The following SGPP2 variants were observed in gnomAD, a reference collection of about 807,000 sequenced individuals.
SGPP2 encodes sphingosine-1-phosphate phosphatase 2.
Under a neutral mutation model 33.9 loss-of-function variants are expected in SGPP2, and 30 were observed. The observed-to-expected ratio is 0.89, with a 90% CI of 0.66 to 1.20. SGPP2 has a LOEUF of 1.20. SGPP2 is among the 50% of genes most tolerant of loss of function. The pLI, the probability that SGPP2 is intolerant of heterozygous loss-of-function variation, is 0.00. For missense variants in SGPP2, 458 were observed against 532.1 expected, an observed-to-expected ratio of 0.86 and a Z score of 1.37; for synonymous variants, 233 against 225.0, an observed-to-expected ratio of 1.04 and a Z score of -0.32.
chr2:222,431,706 A>G (rs1279975100), intron 1 of SGPP2, among the ~76,000 whole-genome samples: 1 of 152,174 alleles, frequency 6.6e-6, no homozygotes, highest in Non-Finnish European at 1.5e-5. Flanking sequence ...GGCAGAGGGA[A>G]TCCCCTGACC....
intron 2 of SGPP2, chr2:222,504,117 AC>A (rs1243337202): frequency 2.0e-5 from 3 of 152,152 alleles, no homozygotes; most frequent in Non-Finnish European, 4.4e-5. Context: ...TATATTTGGC[AC>A]CTTTCTCCAG....
At chr2:222,499,521 A>G (rs765872241) in intron 2 of SGPP2, among the ~76,000 whole-genome samples, 1 of 152,170 alleles carries the variant, frequency 6.6e-6, no homozygotes, top group Non-Finnish European at 1.5e-5. Flanking sequence ...GCATGAGAGC[A>G]TGTTCTTTCT....
intron 4 of SGPP2, among the ~76,000 whole-genome samples, chr2:222,549,990 C>A (rs1689264525): frequency 6.6e-6 from 1 of 151,994 alleles, no homozygotes; most frequent in Non-Finnish European, 1.5e-5. Flanking sequence ...AATTCCCCTG[C>A]CTCAGCCTCC....
At chr2:222,517,259 CT>C (rs1302227859) in intron 2 of SGPP2, among the ~76,000 whole-genome samples, 2 of 152,226 alleles carry the variant, frequency 1.3e-5, no homozygotes, top group Admixed American at 6.5e-5. Context: ...TCTCACCCCC[CT>C]ATCCTGTACC....
chr2:222,518,585 C>G (rs1170311909), intron 2 of SGPP2, among the ~76,000 whole-genome samples: 4 of 152,108 alleles, frequency 2.6e-5, no homozygotes, highest in Non-Finnish European at 5.9e-5. Context: ...TCGGTAATAC[C>G]TGCCAGTTTT....
intron 1 of SGPP2, among the ~76,000 whole-genome samples, chr2:222,431,373 G>A (rs937148364): frequency 1.3e-5 from 2 of 152,054 alleles, no homozygotes; most frequent in Non-Finnish European, 2.9e-5. Flanking sequence ...AGGTGTGGTG[G>A]CACACGTCTG....
At chr2:222,425,198 C>A (rs527356392) in intron 1 of SGPP2, among the ~76,000 whole-genome samples, 9 of 152,150 alleles carry the variant, frequency 5.9e-5, no homozygotes, top group African/African-American at 1.2e-4. Context: ...GACTCCCCCC[C>A]ACCCCCGTAT....
At chr2:222,434,091 C>G (rs1026346181) in intron 1 of SGPP2, among the ~76,000 whole-genome samples, 5 of 152,132 alleles carry the variant, frequency 3.3e-5, no homozygotes, top group Non-Finnish European at 5.9e-5. Flanking sequence ...TGTGAGAAAA[C>G]ACTGTCACAG....
Position 222,561,584 on chromosome 2 carries a change from T to A in SGPP2, c.*2686T>A, listed in dbSNP as rs969278382. Among the ~76,000 whole-genome samples, 1 of 150,890 alleles carries A rather than the reference T, an allele frequency of 6.6e-6. No individual in the cohort carries two copies. The highest frequency in any genetic ancestry group is 1.5e-5 in the Non-Finnish European group (1 of 67,794). ...ATAATTTTTACTGCTGTCTCTAGTT[T>A]TAAGTCCCAACAATAGGAAGGCCGA... On this transcript the variant is annotated 3_prime_UTR_variant, in exon 5 of 5. Transcript: ENST00000321276.
intron 2 of SGPP2, among the ~76,000 whole-genome samples, chr2:222,492,443 G>T (rs191675002): frequency 3.3e-5 from 5 of 152,358 alleles, no homozygotes; most frequent in Non-Finnish European, 7.3e-5. Flanking sequence ...TGAAGCAATG[G>T]CCTGAACTAT....
intron 1 of SGPP2, among the ~76,000 whole-genome samples, chr2:222,446,068 C>T (rs1014114303): frequency 1.3e-5 from 2 of 152,184 alleles, no homozygotes; most frequent in Admixed American, 6.5e-5. Flanking sequence ...AGTCATGGGT[C>T]TACTCAATCT....
chr2:222,490,412 T>C (rs1698178919), intron 2 of SGPP2, among the ~76,000 whole-genome samples: 1 of 152,136 alleles, frequency 6.6e-6, no homozygotes, highest in Non-Finnish European at 1.5e-5. Context: ...AATTCCAAGA[T>C]TATGTACATT....
intron 2 of SGPP2, among the ~76,000 whole-genome samples, chr2:222,484,514 T>TGATG (rs1698075404): frequency 6.6e-6 from 1 of 152,228 alleles, no homozygotes; most frequent in South Asian, 2.1e-4. Flanking sequence ...TCTGCTAAAG[T>TGATG]GATGCAAAGA....
chr2:222,482,525 T>C lies in SGPP2; in HGVS notation c.378+7799T>C, dbSNP rs149449861. Among the ~76,000 whole-genome samples the C allele has an allele frequency of 2.1e-3, 314 of 152,170 alleles. 1 individual carries two copies. Among genetic ancestry groups the C allele is most frequent in the Non-Finnish European group, 3.1e-3 (210 of 68,010 alleles). On this transcript the variant is annotated intron_variant, in intron 2 of 4. Transcript: ENST00000321276. Reference sequence around the variant, plus strand: ...GATCCTACCACCTCAGCCTCCCAAGTAGCTGGAACTACAGGCATGTAGCAT... The same window carrying C: ...GATCCTACCACCTCAGCCTCCCAAGCAGCTGGAACTACAGGCATGTAGCAT...
At chr2:222,431,189 TAAA>T (rs71053081) in intron 1 of SGPP2, among the ~76,000 whole-genome samples, 2 of 148,766 alleles carry the variant, frequency 1.3e-5, no homozygotes, top group Admixed American at 6.7e-5. Context: ...AAACTTTTCT[TAAA>T]AAAAAAAAAA....
chr2:222,536,957 G>GAA (rs11395437), intron 4 of SGPP2, among the ~76,000 whole-genome samples: 2 of 152,108 alleles, frequency 1.3e-5, no homozygotes, highest in Non-Finnish European at 2.9e-5. Flanking sequence ...CAAATCATAA[G>GAA]AAAAATGTCA....
chr2:222,475,171 G>C (rs1317752851), intron 2 of SGPP2, among the ~76,000 whole-genome samples: 1 of 152,170 alleles, frequency 6.6e-6, no homozygotes, highest in Non-Finnish European at 1.5e-5. Flanking sequence ...CCAGGTTCAA[G>C]CGATTCTCCT....
chr2:222,495,517 T>C (rs1392796094), intron 2 of SGPP2, among the ~76,000 whole-genome samples: 1 of 152,228 alleles, frequency 6.6e-6, no homozygotes, highest in Non-Finnish European at 1.5e-5. Context: ...TCAAGATCTC[T>C]TGGCTTAAAA....
At chr2:222,545,779 A>C (rs1689181858) in intron 4 of SGPP2, among the ~76,000 whole-genome samples, 2 of 152,038 alleles carry the variant, frequency 1.3e-5, no homozygotes, top group Admixed American at 1.3e-4. Flanking sequence ...GAGAAATTCC[A>C]CCTTAAAGAG....
Sources: allele counts gnomAD v4.1 joint callset (sites outside exome capture counted in the v4.1 genomes callset), GRCh38; gene constraint gnomAD v4.1.1; transcripts MANE v1.5; gene names NCBI Gene and HGNC (gene_info 2026-07-23, HGNC 2026-07-21).